Variants in XIRP2 observed in about 807,000 individuals in gnomAD.
XIRP2 encodes the protein xin actin-binding repeat-containing protein 2.
Under a neutral mutation model 277.0 loss-of-function variants are expected in XIRP2, and 236 were observed. The observed-to-expected ratio is 0.85, with a 90% CI of 0.77 to 0.95. XIRP2 has a LOEUF of 0.95. Among genes scored for constraint, XIRP2 ranks in the 40% least tolerant of loss-of-function variants. The probability of loss-of-function intolerance (pLI) is 0.00; values close to 1 mark genes in which losing one functional copy is unlikely to be tolerated. For synonymous variants in XIRP2, 1,490 were observed against 1,416.5 expected, an observed-to-expected ratio of 1.05 and a Z score of -1.17; for missense variants, 4,640 against 4,157.5, an observed-to-expected ratio of 1.12 and a Z score of -3.19.
intron 2 of XIRP2, among the ~76,000 whole-genome samples, chr2:166,994,892 T>G (rs1439306192): frequency 6.6e-6 from 1 of 151,748 alleles, no homozygotes; most frequent in Non-Finnish European, 1.5e-5. Flanking sequence ...CAATAAAAAG[T>G]AAAAATGAGA....
intron 5 of XIRP2, among the ~76,000 whole-genome samples, chr2:167,223,128 T>C (rs576289885): frequency 6.6e-6 from 1 of 152,336 alleles, no homozygotes; most frequent in Admixed American, 6.5e-5. Flanking sequence ...TTCCTTTTCT[T>C]TCCTCCATAT....
intron 2 of XIRP2, among the ~76,000 whole-genome samples, chr2:167,079,997 C>A (rs1211725671): frequency 1.3e-5 from 2 of 150,964 alleles, no homozygotes; most frequent in African/African-American, 2.4e-5. Flanking sequence ...TGAGATCTGA[C>A]TTGTAAAAGT....
chr2:167,154,793 T>C (rs1386313813), intron 3 of XIRP2, among the ~76,000 whole-genome samples: 4 of 151,770 alleles, frequency 2.6e-5, no homozygotes, highest in African/African-American at 7.3e-5. Flanking sequence ...TTCAAAAAAT[T>C]AATGAATCCA....
chr2:167,248,775 G>C lies in XIRP2; in HGVS notation c.7383G>C (p.Lys2461Asn). The C allele has an allele frequency of 6.2e-7, 1 of 1,613,592 alleles. No homozygotes were observed. Among genetic ancestry groups the C allele is most frequent in the South Asian group, 1.1e-5 (1 of 91,070 alleles). ...TGGAATGTAAAATTACTACCTCAAAGGATCAGAAAAAAGTAATGGTGATGA... is the reference window on the plus strand; with the variant it reads ...TGGAATGTAAAATTACTACCTCAAACGATCAGAAAAAAGTAATGGTGATGA... The part of the protein sequence containing the change: ...SDMECKITTS[K>N]DQKKVMVMTS... The change falls in exon 9 of 11, where the codon AAG becomes AAC. Residue 2461 changes from lysine to asparagine, a missense_variant. Transcript: ENST00000409195.
chr2:167,095,818 T>C (rs1358943014), intron 2 of XIRP2, among the ~76,000 whole-genome samples: 1 of 146,438 alleles, frequency 6.8e-6, no homozygotes, highest in Non-Finnish European at 1.5e-5. Context: ...AGGATGATGC[T>C]GGCCTCATAA....
chr2:167,140,210 C>A (rs1483977884), intron 3 of XIRP2, among the ~76,000 whole-genome samples: 2 of 152,094 alleles, frequency 1.3e-5, no homozygotes, highest in Admixed American at 6.5e-5. Flanking sequence ...GCTGATAAAG[C>A]AATAGTTTTA....
intron 2 of XIRP2, among the ~76,000 whole-genome samples, chr2:167,050,944 CA>C (rs951345593): frequency 1.4e-4 from 22 of 151,876 alleles, no homozygotes; most frequent in African/African-American, 5.3e-4. Context: ...ACCTGGAATT[CA>C]AACCTCCCTA....
intron 1 of XIRP2, among the ~76,000 whole-genome samples, chr2:166,897,538 G>GT (rs1684274843): frequency 6.6e-6 from 1 of 152,078 alleles, no homozygotes; most frequent in South Asian, 2.1e-4. Flanking sequence ...GAAGCCACAC[G>GT]TAAGTTAAAC....
At chr2:167,203,088 A>G (rs1693767382) in intron 3 of XIRP2, among the ~76,000 whole-genome samples, 1 of 152,168 alleles carries the variant, frequency 6.6e-6, no homozygotes, top group Non-Finnish European at 1.5e-5. Context: ...CACTTGGATA[A>G]CCTAGGATAA....
chr2:167,018,879 C>A (rs1374876256), intron 2 of XIRP2, among the ~76,000 whole-genome samples: 8 of 152,030 alleles, frequency 5.3e-5, no homozygotes, highest in Non-Finnish European at 1.2e-4. Context: ...GTCTGTCCCC[C>A]AGGATCACAG....
intron 2 of XIRP2, among the ~76,000 whole-genome samples, chr2:167,083,786 A>T (rs1270293951): frequency 1.3e-5 from 2 of 152,132 alleles, no homozygotes; most frequent in Non-Finnish European, 2.9e-5. Flanking sequence ...TTGTGCATTG[A>T]TTTTGTATCC....
At chr2:167,089,466 GC>G (rs2105273420) in intron 2 of XIRP2, among the ~76,000 whole-genome samples, 2 of 152,212 alleles carry the variant, frequency 1.3e-5, no homozygotes, top group East Asian at 3.9e-4. Context: ...CAGCAGCCAG[GC>G]AAAATGCTTT....
intron 2 of XIRP2, among the ~76,000 whole-genome samples, chr2:167,007,962 T>C (rs949118703): frequency 2.0e-5 from 3 of 151,620 alleles, no homozygotes; most frequent in African/African-American, 7.2e-5. Flanking sequence ...GTATGCTTTG[T>C]TGAATATTTT....
At chr2:167,028,826 G>A (rs1486051281) in intron 2 of XIRP2, among the ~76,000 whole-genome samples, 5 of 151,540 alleles carry the variant, frequency 3.3e-5, no homozygotes, top group Admixed American at 6.6e-5. Context: ...AGGTAACACC[G>A]AGAAGGAATT....
chr2:167,129,074 AAAAAAT>A (rs1399019616), intron 2 of XIRP2, among the ~76,000 whole-genome samples: 1 of 152,176 alleles, frequency 6.6e-6, no homozygotes. Flanking sequence ...AGGACTTCTG[AAAAAAT>A]AAAAATAAAA....
intron 2 of XIRP2, among the ~76,000 whole-genome samples, chr2:167,019,389 A>G (rs138376417): frequency 5.1e-4 from 77 of 152,198 alleles, no homozygotes; most frequent in African/African-American, 1.5e-3. Context: ...GTAAGTTACT[A>G]TGGAGAGTAA....
chr2:167,094,036 G>A (rs1690223828), intron 2 of XIRP2, among the ~76,000 whole-genome samples: 1 of 152,122 alleles, frequency 6.6e-6, no homozygotes, highest in Non-Finnish European at 1.5e-5. Context: ...GTATCTCATT[G>A]TGATTTTAAT....
chr2:166,986,692 G>T (rs886704418), intron 2 of XIRP2, among the ~76,000 whole-genome samples: 3 of 152,318 alleles, frequency 2.0e-5, no homozygotes, highest in Middle Eastern at 6.8e-3. Context: ...TATAACACTG[G>T]TCATGAGAAA....
At chr2:166,953,994 T>A (rs1017870341) in intron 2 of XIRP2, among the ~76,000 whole-genome samples, 10 of 151,984 alleles carry the variant, frequency 6.6e-5, no homozygotes, top group Non-Finnish European at 1.3e-4. Context: ...TCCCCACATA[T>A]TTTATTGTTA....
Sources: gnomAD v4.1 joint callset for allele counts (sites outside exome capture counted in the v4.1 genomes callset) on GRCh38, gnomAD v4.1.1 for gene constraint, MANE v1.5 for transcripts, NCBI Gene and HGNC (gene_info 2026-07-23, HGNC 2026-07-21) for gene names.